HPSE2: variants seen among roughly 807,000 people sequenced by gnomAD.
HPSE2 encodes heparanase 2 (inactive).
Under a neutral mutation model 60.5 loss-of-function variants are expected in HPSE2, and 38 were observed. The ratio of observed to expected loss-of-function variants is 0.63; its 90% CI spans 0.48 to 0.82. The LOEUF is 0.82. Among genes scored for constraint, HPSE2 ranks in the 40% least tolerant of loss-of-function variants. HPSE2 has a pLI of 0.00. For synonymous variants in HPSE2, 295 were observed against 293.2 expected, an observed-to-expected ratio of 1.01 and a Z score of -0.06; for missense variants, 713 against 740.4, an observed-to-expected ratio of 0.96 and a Z score of 0.43.
At chr10:98,723,179 G>C (rs1435661175) in intron 4 of HPSE2, among the ~76,000 whole-genome samples, 2 of 152,144 alleles carry the variant, frequency 1.3e-5, no homozygotes, top group African/African-American at 2.4e-5. Context: ...CATGAAGGTG[G>C]TTGAATTTTG....
At chr10:99,120,456 T>A (rs1247961706) in intron 3 of HPSE2, among the ~76,000 whole-genome samples, 1 of 148,104 alleles carries the variant, frequency 6.8e-6, no homozygotes, top group Non-Finnish European at 1.5e-5. Context: ...ATGTTTTGAC[T>A]TTTTAATAAT....
At chr10:98,960,785 T>G (rs1360460520) in intron 3 of HPSE2, among the ~76,000 whole-genome samples, 1 of 145,492 alleles carries the variant, frequency 6.9e-6, no homozygotes, top group Non-Finnish European at 1.5e-5. Context: ...CATGTGCATA[T>G]TGTGCAGGTT....
Position 99,211,998 on chromosome 10 carries a change from C to A in HPSE2, c.448+20350G>T, listed in dbSNP as rs571203539. Among the ~76,000 whole-genome samples, 8 of 152,010 alleles carry A rather than the reference C, an allele frequency of 5.3e-5. No homozygotes were observed. The East Asian group carries it at 1.5e-3, about 29-fold the overall frequency. On this transcript the variant is annotated intron_variant, in intron 2 of 11. Transcript: ENST00000370552. ...ATATATAAAGAACACAACTCAACAG[C>A]AAGAAAACAAATATTTTTAAATGGG...
chr10:98,461,673 G>A (rs1032833945), intron 11 of HPSE2: 65 of 899,578 alleles, frequency 7.2e-5, no homozygotes, highest in Admixed American at 2.2e-5. Context: ...ATCTTTCTAA[G>A]GCATACTCAA....
chr10:99,245,846 G>A, the HPSE2 span, among the ~76,000 whole-genome samples: 8 of 152,178 alleles, frequency 5.3e-5, no homozygotes, highest in African/African-American at 4.8e-5. Context: ...TCAGTAAAGC[G>A]CTGAGTTTAA....
At chr10:98,690,498 C>A (rs1037057762) in intron 6 of HPSE2, among the ~76,000 whole-genome samples, 1 of 152,072 alleles carries the variant, frequency 6.6e-6, no homozygotes, top group Non-Finnish European at 1.5e-5. Flanking sequence ...CAAGATCGTG[C>A]CATTGCACTC....
the HPSE2 span, among the ~76,000 whole-genome samples, chr10:99,242,354 G>A: frequency 6.6e-6 from 1 of 152,146 alleles, no homozygotes; most frequent in Non-Finnish European, 1.5e-5. Flanking sequence ...AACTGTGATT[G>A]CTCCACCTCA....
intron 3 of HPSE2, among the ~76,000 whole-genome samples, chr10:99,005,387 GTCT>G (rs1956868349): frequency 2.6e-5 from 4 of 151,732 alleles, no homozygotes; most frequent in Admixed American, 2.6e-4. Context: ...CAAATAATCT[GTCT>G]TCAAGTTCAC....
chr10:98,943,222 A>G (rs1337034690), intron 3 of HPSE2, among the ~76,000 whole-genome samples: 1 of 151,790 alleles, frequency 6.6e-6, no homozygotes, highest in Non-Finnish European at 1.5e-5. Flanking sequence ...CCTAAAACTT[A>G]AAGTATAATA....
intron 3 of HPSE2, among the ~76,000 whole-genome samples, chr10:99,116,322 C>T (rs1267046789): frequency 6.6e-6 from 1 of 152,000 alleles, no homozygotes; most frequent in Non-Finnish European, 1.5e-5. Context: ...ACCAAGGGCC[C>T]ATTATGATTC....
chr10:99,051,309 G>A (rs1252812918), intron 3 of HPSE2, among the ~76,000 whole-genome samples: 1 of 152,088 alleles, frequency 6.6e-6, no homozygotes, highest in Non-Finnish European at 1.5e-5. Flanking sequence ...AACAGAACCT[G>A]CAATATTTCC....
At chr10:98,998,328 C>G (rs902643187) in intron 3 of HPSE2, among the ~76,000 whole-genome samples, 1 of 152,146 alleles carries the variant, frequency 6.6e-6, no homozygotes, top group Non-Finnish European at 1.5e-5. Flanking sequence ...AGAAAATTTT[C>G]AGTGGTTTTT....
rs1311425738 is a variant in HPSE2, at chr10:99,171,142, C to T, written c.449-26743G>A. ...TAAAAAACAGTCAGCAGTGATATAC[C>T]TAGCTTGAAGAAAGTATTCATTCTT... On this transcript the variant is annotated intron_variant, in intron 2 of 11. Coordinates refer to ENST00000370552, the MANE Select transcript of HPSE2 (RefSeq NM_021828.5). 1.3e-5 allele frequency among the ~76,000 whole-genome samples: 2 copies of T among 152,080 alleles called. 1 individual carries two copies. The highest frequency in any genetic ancestry group is 3.9e-4 in the East Asian group (2 of 5,182).
intron 9 of HPSE2, among the ~76,000 whole-genome samples, chr10:98,596,357 A>T (rs12359290): frequency 0.42 from 63,678 of 151,822 alleles, 16,055 homozygotes; most frequent in Admixed American, 0.54. Context: ...CTTCATTTTA[A>T]AGATATAAAT....
intron 3 of HPSE2, among the ~76,000 whole-genome samples, chr10:98,817,819 T>C (rs1951327232): frequency 6.6e-6 from 1 of 152,232 alleles, no homozygotes; most frequent in Non-Finnish European, 1.5e-5. Flanking sequence ...CTTAGAGATA[T>C]AGCTAAAGAG....
At chr10:98,980,475 A>G (rs565019042) in intron 3 of HPSE2, among the ~76,000 whole-genome samples, 15 of 152,324 alleles carry the variant, frequency 9.8e-5, no homozygotes, top group African/African-American at 3.6e-4. Flanking sequence ...TCATGGTCAG[A>G]GCAAATTTAT....
At chr10:99,207,504 T>C (rs977540669) in intron 2 of HPSE2, among the ~76,000 whole-genome samples, 3 of 152,186 alleles carry the variant, frequency 2.0e-5, no homozygotes, top group Non-Finnish European at 2.9e-5. Context: ...ACTGTAATGA[T>C]AGTATGTGAA....
At chr10:98,512,812 A>ACACACACACACAC (rs375085018) in intron 9 of HPSE2, among the ~76,000 whole-genome samples, 3 of 124,546 alleles carry the variant, frequency 2.4e-5, no homozygotes, top group South Asian at 3.0e-4. Context: ...CCCACCCCCC[A>ACACACACACACAC]ACACACACAC....
intron 9 of HPSE2, among the ~76,000 whole-genome samples, chr10:98,586,994 T>A (rs1430055338): frequency 6.6e-6 from 1 of 152,186 alleles, no homozygotes; most frequent in Non-Finnish European, 1.5e-5. Context: ...GTAAATATGA[T>A]CAACCTCAGC....
Sources: allele counts gnomAD v4.1 joint callset (sites outside exome capture counted in the v4.1 genomes callset), GRCh38; gene constraint gnomAD v4.1.1; transcripts MANE v1.5; gene names NCBI Gene and HGNC (gene_info 2026-07-23, HGNC 2026-07-21).